SLC17A2: variants seen among roughly 807,000 people sequenced by gnomAD.
SLC17A2 encodes the protein solute carrier family 17 member 2, also known as sodium-dependent phosphate transport protein 3.
SLC17A2 carries 38 observed loss-of-function variants against 52.1 expected under a neutral mutation model. The ratio of observed to expected loss-of-function variants is 0.73; its 90% confidence interval spans 0.56 to 0.96. The LOEUF (loss-of-function observed/expected upper bound fraction) is 0.96. Among genes scored for constraint, SLC17A2 ranks in the 40% least tolerant of loss-of-function variants. SLC17A2 has a pLI of 0.00. For synonymous variants in SLC17A2, 226 were observed against 211.9 expected, an observed-to-expected ratio of 1.07 and a Z score of -0.58; for missense variants, 508 against 583.9, an observed-to-expected ratio of 0.87 and a Z score of 1.34.
Position 25,923,834 on chromosome 6 carries a change from T to C in SLC17A2, c.101A>G (p.Gln34Arg). 6.2e-7 allele frequency: 1 copy of C among 1,614,238 alleles called. No homozygotes were observed. The highest frequency in any genetic ancestry group is 8.5e-7 in the Non-Finnish European group (1 of 1,180,040). Residue 34 changes from glutamine (Q) to arginine (R), a missense_variant, in exon 3 of 12, where the codon CAG becomes CGG. By Grantham distance (43) the Gln-to-Arg change is conservative. Transcript: ENST00000377850. Reference sequence around the variant, plus strand: ...GATCGCAATGCTCAGACTCACACGCTGCGTTATCATGGTGAAGTTTGAGAA... The same window carrying C: ...GATCGCAATGCTCAGACTCACACGCCGCGTTATCATGGTGAAGTTTGAGAA... ...MHFSNFTMIT[Q>R]RVSLSIAIIA...
chr6:25,913,403 T>G lies in SLC17A2; in HGVS notation c.1351A>C (p.Asn451His). 6.2e-7 allele frequency: 1 copy of G among 1,614,122 alleles called. No homozygotes were observed. Among genetic ancestry groups the G allele is most frequent in the South Asian group, 1.1e-5 (1 of 91,076 alleles). The change falls in exon 12 of 12, where the codon AAC becomes CAC. Residue 451 changes from asparagine to histidine, a missense_variant. By Grantham distance (68) the Asn-to-His change is moderately conservative. Transcript: ENST00000377850. ...AGGTAAAAGACCAGGCCAAACATGT[T>G]GACTGCAGCAGACAGGAAAAAGACA... ...RNVFFLSAAV[N>H]MFGLVFYLTF...
chr6:25,920,549 T>C (rs1028897972), intron 5 of SLC17A2, among the ~76,000 whole-genome samples: 2 of 152,188 alleles, frequency 1.3e-5, no homozygotes, highest in Non-Finnish European at 2.9e-5. Context: ...ATTAATGAGC[T>C]CATAATAGAA....
At chr6:25,916,560 C>A in intron 8 of SLC17A2, 125 bp downstream of exon 8, 2 of 784,458 alleles carry the variant, frequency 2.5e-6, no homozygotes, top group Non-Finnish European at 4.1e-6. Context: ...AACAATGCCT[C>A]TCTCAAGGTC....
At chr6:25,920,347 T>A (rs1766506044) in intron 5 of SLC17A2, among the ~76,000 whole-genome samples, 1 of 152,076 alleles carries the variant, frequency 6.6e-6, no homozygotes, top group Non-Finnish European at 1.5e-5. Context: ...TCACATACCA[T>A]GGAAAGGCAG....
intron 2 of SLC17A2, among the ~76,000 whole-genome samples, chr6:25,924,938 C>T: frequency 6.6e-6 from 1 of 152,036 alleles, no homozygotes; most frequent in East Asian, 1.9e-4. Flanking sequence ...AATGGAACAA[C>T]CACAGACCAA....
chr6:25,928,945 A>C (rs3799373), intron 1 of SLC17A2, among the ~76,000 whole-genome samples: 53,145 of 152,040 alleles, frequency 0.35, 10,385 homozygotes, highest in East Asian at 0.7. Flanking sequence ...TACTTGACAC[A>C]GTATAGGTTG....
At chr6:25,914,515 C>T (rs41266767) in intron 11 of SLC17A2, 65 bp downstream of exon 11, 9,957 of 986,074 alleles carry the variant, frequency 0.01, 71 homozygotes, top group Middle Eastern at 0.027. Flanking sequence ...TTTAGAGCAC[C>T]GTGTGTATCT....
chr6:25,923,839 T>C lies in SLC17A2; in HGVS notation c.96A>G (p.Ile32Met), dbSNP rs752260702. Residue 32 changes from isoleucine (I) to methionine (M), a missense_variant, in exon 3 of 12, where the codon ATA becomes ATG. Transcript: ENST00000377850. ...LIMHFSNFTM[I>M]TQRVSLSIAI... ...CAATGCTCAGACTCACACGCTGCGT[T>C]ATCATGGTGAAGTTTGAGAAGTGCA... 18 of 1,614,084 alleles carry C rather than the reference T, an allele frequency of 1.1e-5. No homozygotes were observed. The highest frequency in any genetic ancestry group is 1.5e-5 in the Non-Finnish European group (18 of 1,180,042).
intron 1 of SLC17A2, among the ~76,000 whole-genome samples, chr6:25,928,059 TA>T (rs1200177573): frequency 6.6e-6 from 1 of 152,188 alleles, no homozygotes; most frequent in Non-Finnish European, 1.5e-5. Context: ...TCCAATCTTA[TA>T]AACACTGAAA....
Position 25,925,831 on chromosome 6 carries a change from G to A in SLC17A2, c.-35C>T, listed in dbSNP as rs777220661. The A allele has an allele frequency of 6.2e-7, 1 of 1,612,864 alleles. No homozygotes were observed. The highest frequency in any genetic ancestry group is 8.5e-7 in the Non-Finnish European group (1 of 1,178,794). On this transcript the variant is annotated 5_prime_UTR_variant, in exon 2 of 12. Coordinates refer to ENST00000377850, the MANE Select transcript of SLC17A2 (RefSeq NM_001286123.3). ...GTGGGAAATGGTACCACGCTTTGTGGTGGAGTTTCCCTGTGCCCTGAATCT... is the reference window on the plus strand; with the variant it reads ...GTGGGAAATGGTACCACGCTTTGTGATGGAGTTTCCCTGTGCCCTGAATCT...
rs59580107 is a variant in SLC17A2 at position 25,915,149 on chromosome 6, GTATATATATATATA to G, written c.1211+336_1211+349del. Among the ~76,000 whole-genome samples the G allele has an allele frequency of 3.5e-4, 20 of 57,886 alleles. 1 individual carries two copies. Among genetic ancestry groups the G allele is most frequent in the African/African-American group, 7.4e-4 (13 of 17,614 alleles). The allele number at this position is 57,886 out of a possible 152,430, so 38.0% of individuals were successfully genotyped here. On this transcript the variant is annotated intron_variant, in intron 10 of 11. Transcript: ENST00000377850. ...GCACAGGAGCTGGCTTATTGTGACTGTATATATATATATATATATATATATATATGGTAGCTAAT... is the reference window on the plus strand; with the variant it reads ...GCACAGGAGCTGGCTTATTGTGACTGTATATATATATATATGGTAGCTAAT...
At chr6:25,914,411 T>C (rs1441657360) in intron 11 of SLC17A2, 169 bp downstream of exon 11, 7 of 598,956 alleles carry the variant, frequency 1.2e-5, no homozygotes, top group Non-Finnish European at 1.8e-5. Context: ...CTTGAGAAAA[T>C]AAGCTTATAT....
chr6:25,919,699 C>CAAAAAAAAAAAA (rs766352177), intron 5 of SLC17A2, among the ~76,000 whole-genome samples: 2,006 of 31,138 alleles, frequency 0.064, 379 homozygotes, highest in Non-Finnish European at 0.088. Context: ...GACACCGTCT[C>CAAAAAAAAAAAA]AAAAAAAAAA....
intron 10 of SLC17A2, among the ~76,000 whole-genome samples, chr6:25,915,147 C>CTG (rs1296566468): frequency 3.2e-3 from 96 of 30,122 alleles, no homozygotes; most frequent in Middle Eastern, 0.015. Context: ...CTTATTGTGA[C>CTG]TGTATATATA....
At chr6:25,927,967 G>A (rs555859130) in intron 1 of SLC17A2, among the ~76,000 whole-genome samples, 46 of 152,216 alleles carry the variant, frequency 3.0e-4, no homozygotes, top group African/African-American at 1.1e-3. Flanking sequence ...GCAAGATCCC[G>A]TGGCTTGGCT....
In SLC17A2 at chr6:25,921,269, G is replaced by C; in HGVS notation, c.384C>G (p.Ile128Met). The C allele has an allele frequency of 1.2e-6, 2 of 1,614,158 alleles. No homozygotes were observed. Among genetic ancestry groups the C allele is most frequent in the Non-Finnish European group, 1.7e-6 (2 of 1,180,038 alleles). ...GTGTAAAGAGGGTGAGAAGGGAAGAGATCAGCAAACCAGCACCAAGCATTT... is the reference window on the plus strand; with the variant it reads ...GTGTAAAGAGGGTGAGAAGGGAAGACATCAGCAAACCAGCACCAAGCATTT... Reference protein sequence around the residue: ...AKKMLGAGLLISSLLTLFTPL... With the variant: ...AKKMLGAGLLMSSLLTLFTPL... The change falls in exon 4 of 12, where the codon ATC becomes ATG. Residue 128 changes from isoleucine to methionine, a missense_variant. Transcript: ENST00000377850.
At position 25,921,381 on chromosome 6, in the gene SLC17A2, T is replaced by C. The variant is rs765388481; in HGVS notation, c.272A>G (p.Gln91Arg). The C allele has an allele frequency of 6.2e-7, 1 of 1,614,034 alleles. No homozygotes were observed. Among genetic ancestry groups the C allele is most frequent in the South Asian group, 1.1e-5 (1 of 91,078 alleles). The change falls in exon 4 of 12, where the codon CAG (glutamine) becomes CGG (arginine). Residue 91 changes from glutamine (Q) to arginine (R), a missense_variant. Coordinates refer to ENST00000377850, the MANE Select transcript of SLC17A2 (RefSeq NM_001286123.3). Reference sequence around the variant, plus strand: ...GTTGATGGAGCTAAAGATGATACCCTGAGTTTCTGGGCTCCATTGATACAC... The same window carrying C: ...GTTGATGGAGCTAAAGATGATACCCCGAGTTTCTGGGCTCCATTGATACAC... ...ASVYQWSPET[Q>R]GIIFSSINYG...
chr6:25,927,643 G>C lies in SLC17A2; in HGVS notation c.-83-1764C>G, dbSNP rs886202950. Among the ~76,000 whole-genome samples, 3 of 152,198 alleles carry C rather than the reference G, an allele frequency of 2.0e-5. No homozygotes were observed. The East Asian group carries it at 5.8e-4, about 29-fold the overall frequency. On this transcript the variant is annotated intron_variant, in intron 1 of 11. Coordinates refer to ENST00000377850, the MANE Select transcript of SLC17A2 (RefSeq NM_001286123.3). ...ATCAGCATGGCAAGTATAGTTTTCT[G>C]CTTTCCAAATATCTCTAGAATTCTG...
intron 11 of SLC17A2, among the ~76,000 whole-genome samples, chr6:25,913,780 T>TTG (rs1554137626): frequency 5.8e-4 from 87 of 149,596 alleles, no homozygotes; most frequent in Middle Eastern, 6.9e-3. Context: ...TCTGTTTTTT[T>TTG]TTGTTGTTGT....
Sources: gnomAD v4.1 joint callset for allele counts (sites outside exome capture counted in the v4.1 genomes callset) on GRCh38, gnomAD v4.1.1 for gene constraint, MANE v1.5 for transcripts, NCBI Gene and HGNC (gene_info 2026-07-23, HGNC 2026-07-21) for gene names.